The following HERC2 variants were observed in gnomAD, a reference collection of about 807,000 sequenced individuals.
The protein encoded by HERC2 is E3 ubiquitin-protein ligase HERC2.
A neutral mutation model predicts 537.7 loss-of-function variants in HERC2; 102 were observed. The ratio of observed to expected loss-of-function variants is 0.19; its 90% CI spans 0.16 to 0.22. HERC2 has a LOEUF of 0.22. Among genes scored for constraint, HERC2 ranks in the 10% least tolerant of loss-of-function variants. The pLI is 1.00. For missense variants in HERC2, 4,236 were observed against 6,198.2 expected, an observed-to-expected ratio of 0.68 and a Z score of 10.63; for synonymous variants, 2,224 against 2,466.2, an observed-to-expected ratio of 0.90 and a Z score of 2.91.
Position 28,209,849 on chromosome 15 carries a change from A to G in HERC2, c.7069+1153T>C, listed in dbSNP as rs1412573560. 2.6e-5 allele frequency among the ~76,000 whole-genome samples: 4 copies of G among 152,082 alleles called. No individual in the cohort carries two copies. In the East Asian group the frequency reaches 7.7e-4, roughly 29 times the overall value. On this transcript the variant is annotated intron_variant, in intron 44 of 92. Transcript: ENST00000261609. ...ATGGTATCACACTGTATGGATACACAACATAAGAATAGGTATTTTGGTGTC... is the reference window on the plus strand; with the variant it reads ...ATGGTATCACACTGTATGGATACACGACATAAGAATAGGTATTTTGGTGTC...
intron 2 of HERC2, among the ~76,000 whole-genome samples, chr15:28,301,685 TC>T (rs1421028487): frequency 7.9e-6 from 1 of 126,910 alleles, no homozygotes; most frequent in Non-Finnish European, 1.6e-5. Context: ...TGTTTGCCCA[TC>T]TTTTTTTTTT....
At position 28,161,638 on chromosome 15, in the gene HERC2, C is replaced by T. The variant is rs547432810; in HGVS notation, c.10746+1456G>A. 2.6e-5 allele frequency among the ~76,000 whole-genome samples: 4 copies of T among 152,302 alleles called. No homozygotes were observed. In the South Asian group the frequency reaches 8.3e-4, roughly 32 times the overall value. ...GTTGAGTGTTTTAAAACCTTCAGTT[C>T]CTCAGGTGCACTAGCCATATTTCAG... On this transcript the variant is annotated intron_variant, in intron 69 of 92. Coordinates refer to ENST00000261609, the MANE Select transcript of HERC2 (RefSeq NM_004667.6).
intron 2 of HERC2, among the ~76,000 whole-genome samples, chr15:28,310,342 G>A (rs895087706): frequency 6.6e-6 from 1 of 152,060 alleles, no homozygotes; most frequent in African/African-American, 2.4e-5. Flanking sequence ...CTACTTGGGA[G>A]GCTGAGGTGG....
intron 59 of HERC2, 118 bp downstream of exon 59, chr15:28,178,769 T>G (rs1895540042): frequency 1.8e-6 from 2 of 1,136,094 alleles, no homozygotes; most frequent in Non-Finnish European, 2.4e-6. Flanking sequence ...TATCCAATTT[T>G]TATTCCTACT....
At chr15:28,187,550 C>A (rs552146034) in intron 55 of HERC2, among the ~76,000 whole-genome samples, 1 of 152,224 alleles carries the variant, frequency 6.6e-6, no homozygotes, top group South Asian at 2.1e-4. Context: ...CTAGGCTGGT[C>A]TTGAACTTCT....
rs773769951 is a variant in HERC2 at position 28,194,068 on chromosome 15, CT to C, written c.8261-1918del. Among the ~76,000 whole-genome samples, 642 of 138,454 alleles carry C rather than the reference CT, an allele frequency of 4.6e-3. 1 individual carries two copies. Among genetic ancestry groups the C allele is most frequent in the Admixed American group, 8.2e-3 (114 of 13,838 alleles). 90.8% of individuals were successfully genotyped at this position (138,454 alleles called of 152,430 possible). On this transcript the variant is annotated intron_variant, in intron 52 of 92. Coordinates refer to ENST00000261609, the MANE Select transcript of HERC2 (RefSeq NM_004667.6). ...CACATGTATTGTTTGATCCTTTGAC[CT>C]TTTTTTTTTTTTTTGAGACAGAATC... is the stretch of plus-strand genomic sequence containing the variant.
chr15:28,303,483 C>A (rs2076691897), intron 2 of HERC2, among the ~76,000 whole-genome samples: 2 of 152,140 alleles, frequency 1.3e-5, no homozygotes, highest in Non-Finnish European at 2.9e-5. Context: ...TCAGGTAATG[C>A]AATTTCTCCA....
At chr15:28,125,715 C>T (rs1377687774) in intron 83 of HERC2, among the ~76,000 whole-genome samples, 1 of 152,086 alleles carries the variant, frequency 6.6e-6, no homozygotes, top group Non-Finnish European at 1.5e-5. Context: ...CACTCTGTTG[C>T]CCAGGCTGGA....
intron 55 of HERC2, among the ~76,000 whole-genome samples, chr15:28,187,659 T>C (rs1002475042): frequency 3.3e-5 from 5 of 152,284 alleles, no homozygotes; most frequent in African/African-American, 1.2e-4. Flanking sequence ...TTGAAAAACA[T>C]ATCCGCATTG....
At chr15:28,308,450 T>C (rs144548621) in intron 2 of HERC2, among the ~76,000 whole-genome samples, 196 of 152,360 alleles carry the variant, frequency 1.3e-3, no homozygotes, top group African/African-American at 4.4e-3. Context: ...CATTTTCTTG[T>C]GGAGTCTTTA....
chr15:28,280,872 T>C (rs1176416177), intron 4 of HERC2, among the ~76,000 whole-genome samples: 2 of 152,092 alleles, frequency 1.3e-5, no homozygotes, highest in Middle Eastern at 3.4e-3. Context: ...ATTTTGTCAC[T>C]GCACTCCAGC....
intron 2 of HERC2, among the ~76,000 whole-genome samples, chr15:28,301,735 GTATA>G (rs55977156): frequency 0.15 from 5,363 of 35,200 alleles, 931 homozygotes; most frequent in East Asian, 0.31. Context: ...GTATGTATGT[GTATA>G]TATATATATA....
At chr15:28,118,373 G>A (rs950921934) in intron 86 of HERC2, 3 of 152,302 alleles carry the variant, frequency 2.0e-5, no homozygotes, top group Non-Finnish European at 4.4e-5. Flanking sequence ...CAGCCATAAG[G>A]CTGGAGGCAG....
intron 20 of HERC2, among the ~76,000 whole-genome samples, chr15:28,252,970 A>C (rs936482654): frequency 2.0e-5 from 3 of 152,240 alleles, no homozygotes; most frequent in Non-Finnish European, 4.4e-5. Flanking sequence ...AGCTGTGGCC[A>C]CTGCCCAGGG....
Position 28,265,866 on chromosome 15 carries a change from C to CT in HERC2, c.1706dup (p.Glu571GlyfsTer19). 1 of 1,614,204 alleles carries CT rather than the reference C, an allele frequency of 6.2e-7. No homozygotes were observed. The highest frequency in any genetic ancestry group is 8.5e-7 in the Non-Finnish European group (1 of 1,180,054). ...CGCGGCCCCAGGTGTACAGCTCCCC[C>CT]TCGGCAGTGATGGCCGCACTGTAAG... On this transcript the variant is annotated frameshift_variant, in exon 13 of 93. Coordinates refer to ENST00000261609, the MANE Select transcript of HERC2 (RefSeq NM_004667.6). LOFTEE classifies it high-confidence loss of function. This position sits in a 1 kb window ranked among gnomAD's most constrained non-coding sequence, Gnocchi z 4.0.
Position 28,268,706 on chromosome 15 carries a change from A to C in HERC2, c.1447-90T>G. 9.0e-7 allele frequency: 1 copy of C among 1,105,968 alleles called. No individual in the cohort carries two copies. Among genetic ancestry groups the C allele is most frequent in the Non-Finnish European group, 1.3e-6 (1 of 763,614 alleles). 68.5% of individuals were successfully genotyped at this position (1,105,968 alleles called of 1,614,324 possible). A position where few individuals can be genotyped will look rare whatever the true frequency, so the allele number is the denominator to read the frequency against. On this transcript the variant is annotated intron_variant, in intron 11 of 92. Coordinates refer to ENST00000261609, the MANE Select transcript of HERC2 (RefSeq NM_004667.6). This position sits in a 1 kb window ranked among gnomAD's most constrained non-coding sequence, Gnocchi z 4.7. ...CTCCGTTATCATGTATCCCCAAGCA[A>C]AGCCTGCTGTAACTCCAAGTGGGGC...
At chr15:28,312,964 A>G (rs928864872) in intron 2 of HERC2, 7 of 161,552 alleles carry the variant, frequency 4.3e-5, no homozygotes, top group African/African-American at 1.7e-4. Flanking sequence ...TTAGTTACTA[A>G]ACTGAAGCTC....
chr15:28,124,311 C>T lies in HERC2; in HGVS notation c.12991-77G>A, dbSNP rs1426567289. The T allele has an allele frequency of 6.0e-6, 6 of 1,004,166 alleles. No homozygotes were observed. The African/African-American group carries it at 1.0e-4, about 17-fold the overall frequency. The allele number at this position is 1,004,166 out of a possible 1,614,324, so 62.2% of individuals were successfully genotyped here. On this transcript the variant is annotated intron_variant, in intron 84 of 92. Coordinates refer to ENST00000261609, the MANE Select transcript of HERC2 (RefSeq NM_004667.6). Reference sequence around the variant, plus strand: ...GCCAGTGTGGCATCCATTAAGGATTCTGAAAACAATTGTTTCAAATACAGA... The same window carrying T: ...GCCAGTGTGGCATCCATTAAGGATTTTGAAAACAATTGTTTCAAATACAGA...
chr15:28,141,358 A>G (rs1891205858), intron 78 of HERC2, 74 bp downstream of exon 78: 2 of 1,330,588 alleles, frequency 1.5e-6, no homozygotes, highest in African/African-American at 1.4e-5. Context: ...TGCACGTGCT[A>G]AGAACCACAC....
Sources: allele counts gnomAD v4.1 joint callset (sites outside exome capture counted in the v4.1 genomes callset), GRCh38; gene constraint gnomAD v4.1.1; non-coding constraint Gnocchi (gnomAD v3.1); transcripts MANE v1.5; gene names NCBI Gene and HGNC (gene_info 2026-07-23, HGNC 2026-07-21).